Variants in AXDND1 observed in about 807,000 individuals in gnomAD.
The protein encoded by AXDND1 is axonemal dynein light chain domain-containing protein 1.
A neutral mutation model predicts 137.5 loss-of-function variants in AXDND1; 110 were observed. The observed-to-expected ratio is 0.80, with a 90% CI of 0.69 to 0.94. The LOEUF is 0.94. Among genes scored for constraint, AXDND1 ranks in the 40% least tolerant of loss-of-function variants. The probability of loss-of-function intolerance (pLI) is 0.00; values close to 1 mark genes in which losing one functional copy is unlikely to be tolerated. For synonymous variants in AXDND1, 414 were observed against 399.7 expected, an observed-to-expected ratio of 1.04 and a Z score of -0.43; for missense variants, 1,191 against 1,169.8, an observed-to-expected ratio of 1.02 and a Z score of -0.26.
At chr1:179,546,706 A>G (rs1672685102) in intron 25 of AXDND1, among the ~76,000 whole-genome samples, 1 of 152,148 alleles carries the variant, frequency 6.6e-6, no homozygotes, top group Non-Finnish European at 1.5e-5. Context: ...GACAGGTTCC[A>G]TGTCCTGTAG....
At chr1:179,366,156 G>A (rs1053397332) in intron 1 of AXDND1, 156 bp downstream of exon 1, 2 of 165,708 alleles carry the variant, frequency 1.2e-5, no homozygotes, top group African/African-American at 4.8e-5. Flanking sequence ...CGCCTGCAGC[G>A]AGTGTCCCCC....
chr1:179,378,868 C>A, intron 5 of AXDND1, 111 bp downstream of exon 5: 2 of 866,916 alleles, frequency 2.3e-6, no homozygotes, highest in Non-Finnish European at 3.1e-6. Flanking sequence ...CATACTATAA[C>A]AACCTGCATT....
intron 4 of AXDND1, among the ~76,000 whole-genome samples, chr1:179,376,503 C>G (rs1045026171): frequency 6.6e-6 from 1 of 152,158 alleles, no homozygotes; most frequent in Non-Finnish European, 1.5e-5. Flanking sequence ...TTCAGTTTGC[C>G]GAAGTCACCA....
chr1:179,509,376 T>A lies in AXDND1; in HGVS notation c.2469T>A (p.Tyr823Ter), dbSNP rs372241594. 2.5e-6 allele frequency: 4 copies of A among 1,610,802 alleles called. No individual in the cohort carries two copies. In the African/African-American group the frequency reaches 4.0e-5, roughly 16 times the overall value. Residue 823 changes from tyrosine (Y) to a stop codon, truncating the protein, a stop_gained, in exon 21 of 26, where the codon TAT (tyrosine) becomes TAA (stop). Coordinates refer to ENST00000367618, the MANE Select transcript of AXDND1 (RefSeq NM_144696.6). LOFTEE classifies it high-confidence loss of function. ...IKGRKITLLTYEEIERLLEEE... is the reference protein window; with the variant it reads ...IKGRKITLLT ...GCAGAAAAATTACATTATTGACATATGAAGAAATAGAGCGGCTACTTGAAG... is the reference window on the plus strand; with the variant it reads ...GCAGAAAAATTACATTATTGACATAAGAAGAAATAGAGCGGCTACTTGAAG...
chr1:179,409,969 G>A (rs1241024655), intron 11 of AXDND1, among the ~76,000 whole-genome samples: 3 of 151,596 alleles, frequency 2.0e-5, no homozygotes, highest in Admixed American at 2.0e-4. Flanking sequence ...TGCTTTTACT[G>A]TTAAATTAGG....
chr1:179,432,477 G>A, intron 15 of AXDND1, 135 bp downstream of exon 15: 1 of 1,244,920 alleles, frequency 8.0e-7, no homozygotes, highest in East Asian at 3.2e-5. Context: ...CCAGGCTGGA[G>A]CGCAGTAGTG....
intron 17 of AXDND1, among the ~76,000 whole-genome samples, chr1:179,472,150 C>T (rs1251199458): frequency 6.6e-6 from 1 of 152,200 alleles, no homozygotes; most frequent in African/African-American, 2.4e-5. Context: ...CCACCTTGAC[C>T]TCCCAAAGTG....
chr1:179,396,803 A>G (rs146227378), intron 11 of AXDND1, among the ~76,000 whole-genome samples: 1 of 152,338 alleles, frequency 6.6e-6, no homozygotes, highest in Non-Finnish European at 1.5e-5. Context: ...TTTATGTATC[A>G]ATCACTCAGA....
intron 20 of AXDND1, among the ~76,000 whole-genome samples, chr1:179,499,926 C>T (rs996883591): frequency 1.3e-5 from 2 of 152,026 alleles, no homozygotes; most frequent in East Asian, 1.9e-4. Context: ...TAAAGGAATT[C>T]GTCAAAAATC....
At chr1:179,465,564 G>A (rs1663018862) in intron 16 of AXDND1, among the ~76,000 whole-genome samples, 2 of 152,344 alleles carry the variant, frequency 1.3e-5, no homozygotes, top group South Asian at 4.1e-4. Context: ...GGCTACTCGG[G>A]GGTCATGGAC....
At chr1:179,379,308 T>C (rs569604544) in intron 5 of AXDND1, 89 bp from the exon 6 acceptor site, 1 of 1,371,092 alleles carries the variant, frequency 7.3e-7, no homozygotes, top group Admixed American at 2.4e-5. Context: ...AAATAGTATC[T>C]CTTTAGGTTA....
chr1:179,507,914 A>T (rs776669674), intron 20 of AXDND1, among the ~76,000 whole-genome samples: 3 of 152,186 alleles, frequency 2.0e-5, no homozygotes, highest in African/African-American at 4.8e-5. Context: ...TACCATTCTA[A>T]CCCTCTGAAT....
At chr1:179,438,551 A>G (rs1053708707) in intron 15 of AXDND1, among the ~76,000 whole-genome samples, 10 of 152,232 alleles carry the variant, frequency 6.6e-5, no homozygotes, top group African/African-American at 2.2e-4. Context: ...AGCAAAAATT[A>G]TCATGCTTAA....
rs774796173 is a variant in AXDND1 at position 179,491,709 on chromosome 1, T to C, written c.2263T>C (p.Leu755=). The C allele has an allele frequency of 6.3e-7, 1 of 1,583,758 alleles. No homozygotes were observed. Among genetic ancestry groups the C allele is most frequent in the Non-Finnish European group, 8.6e-7 (1 of 1,167,572 alleles). The change falls in exon 19 of 26, where the codon TTG becomes CTG. Residue 755 remains leucine, a synonymous_variant. Coordinates refer to ENST00000367618, the MANE Select transcript of AXDND1 (RefSeq NM_144696.6). ...ELDAIELTRK[L]YQYSSYLSSC... Reference sequence around the variant, plus strand: ...AGATGCGATTGAACTGACAAGGAAGTTGTACCAATACTCCAGCTATTTGAG... The same window carrying C: ...AGATGCGATTGAACTGACAAGGAAGCTGTACCAATACTCCAGCTATTTGAG...
intron 20 of AXDND1, among the ~76,000 whole-genome samples, chr1:179,499,346 C>T (rs923719813): frequency 1.2e-5 from 1 of 85,418 alleles, no homozygotes; most frequent in African/African-American, 4.0e-5. Flanking sequence ...TGTGATGTTT[C>T]AAAAGACCAC....
At chr1:179,447,614 C>A in intron 16 of AXDND1, 1 of 1,213,112 alleles carries the variant, frequency 8.2e-7, no homozygotes, top group Non-Finnish European at 1.2e-6. Flanking sequence ...GGTGTCATGC[C>A]CTTGCTTGAA....
Position 179,385,436 on chromosome 1 carries a change from A to G in AXDND1, c.863+77A>G, listed in dbSNP as rs540890458. 6 of 1,537,304 alleles carry G rather than the reference A, an allele frequency of 3.9e-6. No homozygotes were observed. In the African/African-American group the frequency reaches 8.2e-5, roughly 21 times the overall value. ...TTTGTCTTTATATCTACTTTTGAGA[A>G]TGCCACAAAAGTGCACTTCTCTATT... On this transcript the variant is annotated intron_variant, in intron 9 of 25. Coordinates refer to ENST00000367618, the MANE Select transcript of AXDND1 (RefSeq NM_144696.6).
chr1:179,379,211 G>A (rs183167273), intron 5 of AXDND1, among the ~76,000 whole-genome samples, 186 bp from the exon 6 acceptor site: 5 of 152,212 alleles, frequency 3.3e-5, no homozygotes, highest in African/African-American at 1.2e-4. Context: ...TTATTTTAGA[G>A]ATGTGTGCTC....
At chr1:179,518,438 A>G (rs1426330514) in intron 21 of AXDND1, among the ~76,000 whole-genome samples, 1 of 151,480 alleles carries the variant, frequency 6.6e-6, no homozygotes, top group Non-Finnish European at 1.5e-5. Flanking sequence ...GTTTGTCACA[A>G]AGGTAAACTT....
Sources: gnomAD v4.1 joint callset for allele counts (sites outside exome capture counted in the v4.1 genomes callset) on GRCh38, gnomAD v4.1.1 for gene constraint, MANE v1.5 for transcripts, NCBI Gene and HGNC (gene_info 2026-07-23, HGNC 2026-07-21) for gene names.